CA6: variants seen among roughly 807,000 people sequenced by gnomAD.
The protein encoded by CA6 is carbonate dehydratase VI.
In CA6, 28 loss-of-function variants were observed where a neutral mutation model predicts 35.9. The ratio of observed to expected loss-of-function variants is 0.78; its 90% CI spans 0.58 to 1.07. The LOEUF is 1.07. Among genes scored for constraint, CA6 ranks in the 50% least tolerant of loss-of-function variants. The probability of loss-of-function intolerance (pLI) is 0.00; values close to 1 mark genes in which losing one functional copy is unlikely to be tolerated. For synonymous variants in CA6, 148 were observed against 152.6 expected (o/e 0.97, Z 0.22); for missense variants, 377 against 382.0 (o/e 0.99, Z 0.11).
rs1246182899 is a variant in CA6 at position 8,963,149 on chromosome 1, C to CTATAA, written c.571+494_571+498dup. ...CCAGGGTCAACCCTTGACTTTTGAG[C>CTATAA]TATAACCACAATAGCTCTGCATCCT... On this transcript the variant is annotated intron_variant, in intron 5 of 7. Transcript: ENST00000377443. The surrounding 1 kb of genome is among the most constrained non-coding windows in gnomAD (Gnocchi z 4.1). Among the ~76,000 whole-genome samples, 3 of 152,294 alleles carry CTATAA rather than the reference C, an allele frequency of 2.0e-5. No homozygotes were observed. The highest frequency in any genetic ancestry group is 7.2e-5 in the African/African-American group (3 of 41,548).
At chr1:8,959,862 G>T (rs1050176020) in intron 4 of CA6, among the ~76,000 whole-genome samples, 1 of 148,246 alleles carries the variant, frequency 6.7e-6, no homozygotes, top group Non-Finnish European at 1.5e-5. Context: ...AACCCGGGAG[G>T]TGGAGGTTGC....
At chr1:8,973,384 T>C (rs1640157746) in intron 7 of CA6, among the ~76,000 whole-genome samples, 1 of 152,210 alleles carries the variant, frequency 6.6e-6, no homozygotes, top group South Asian at 2.1e-4. Context: ...ACGCTATTCT[T>C]GCAATAGTCA....
chr1:8,948,156 C>T (rs1415133271), intron 1 of CA6, among the ~76,000 whole-genome samples: 5 of 151,958 alleles, frequency 3.3e-5, no homozygotes, highest in African/African-American at 4.8e-5. Flanking sequence ...CCACAAACAC[C>T]TGTCTTAAAA....
At chr1:8,953,037 T>G (rs10864374) in intron 2 of CA6, among the ~76,000 whole-genome samples, 1 of 152,090 alleles carries the variant, frequency 6.6e-6, no homozygotes, top group East Asian at 1.9e-4. Flanking sequence ...CTGTTCATCT[T>G]TCCCTTCCTT....
At chr1:8,967,948 C>T in intron 6 of CA6, 132 bp downstream of exon 6, 2 of 651,794 alleles carry the variant, frequency 3.1e-6, no homozygotes, top group South Asian at 2.5e-5. Flanking sequence ...GGCTACTGTG[C>T]CTCGTCTAGC....
chr1:8,948,969 C>CA (rs35309398), intron 1 of CA6, among the ~76,000 whole-genome samples: 115 of 141,102 alleles, frequency 8.2e-4, no homozygotes, highest in African/African-American at 1.4e-3. Flanking sequence ...GACCCTGTCT[C>CA]AAAAAAAAAA....
chr1:8,950,829 G>C (rs139924176), intron 2 of CA6, among the ~76,000 whole-genome samples: 48 of 151,424 alleles, frequency 3.2e-4, no homozygotes, highest in African/African-American at 8.7e-4. Flanking sequence ...GATTACCACT[G>C]TACTCCACCC....
chr1:8,966,502 G>A (rs919369753), intron 5 of CA6, among the ~76,000 whole-genome samples: 1 of 152,088 alleles, frequency 6.6e-6, no homozygotes, highest in African/African-American at 2.4e-5. Context: ...ATATATTAGA[G>A]TTACAAAAAT....
intron 4 of CA6, among the ~76,000 whole-genome samples, chr1:8,961,455 T>C (rs1370714300): frequency 2.0e-5 from 3 of 152,098 alleles, no homozygotes; most frequent in Non-Finnish European, 4.4e-5. Context: ...TGAAGCAAAG[T>C]TGCTATATTT....
chr1:8,964,295 T>C (rs750171355), intron 5 of CA6, among the ~76,000 whole-genome samples: 49 of 152,316 alleles, frequency 3.2e-4, no homozygotes, highest in Non-Finnish European at 3.2e-4. Flanking sequence ...GTCACCAGGC[T>C]GGAGTGCAGT....
In CA6 at chr1:8,949,327, G is replaced by T; in HGVS notation, c.144G>T (p.Ser48=). The T allele has an allele frequency of 4.3e-6, 7 of 1,613,292 alleles. No homozygotes were observed. The highest frequency in any genetic ancestry group is 1.3e-5 in the African/African-American group (1 of 74,928). The stretch of plus-strand genomic sequence containing the variant: ...CCGCCTGTGGGGGCCAGAGACAGTC[G>T]CCTATCAACCTACAGAGGACGAAGG... ...HYPACGGQRQ[S]PINLQRTKVR... Residue 48 remains serine (S), a synonymous_variant, in exon 2 of 8, where the codon TCG becomes TCT. Coordinates refer to ENST00000377443, the MANE Select transcript of CA6 (RefSeq NM_001215.4).
intron 7 of CA6, among the ~76,000 whole-genome samples, chr1:8,973,552 C>T (rs868426114): frequency 2.0e-5 from 3 of 152,042 alleles, no homozygotes; most frequent in Non-Finnish European, 2.9e-5. Flanking sequence ...CACTAAGAAT[C>T]GCTGTTTAGG....
chr1:8,956,203 A>T (rs1402198443), intron 2 of CA6, among the ~76,000 whole-genome samples: 1 of 152,106 alleles, frequency 6.6e-6, no homozygotes, highest in Non-Finnish European at 1.5e-5. Flanking sequence ...AGCCTGGGTG[A>T]CAGAGTAAGA....
rs145720043 is a variant in CA6 at position 8,971,996 on chromosome 1, C to T, written c.844+1015C>T. Among the ~76,000 whole-genome samples the T allele has an allele frequency of 2.4e-3, 361 of 152,314 alleles. 1 individual carries two copies. Among genetic ancestry groups the T allele is most frequent in the African/African-American group, 8.5e-3 (353 of 41,552 alleles). On this transcript the variant is annotated intron_variant, in intron 7 of 7. Transcript: ENST00000377443. ...ACCATTCCTGATACCTTTATATTTT[C>T]CAATACAGTAGAATCAGTATCCTAT...
rs560619254 is a variant in CA6, at chr1:8,952,840, A to G, written c.259+3398A>G. Among the ~76,000 whole-genome samples the G allele has an allele frequency of 2.2e-4, 34 of 152,002 alleles. 1 individual carries two copies. The South Asian group carries it at 4.8e-3, about 21-fold the overall frequency. ...CCTGGCTAATTTTTGTATTTCTAGT[A>G]CAGACAGGGTGTCACCATGTTGGCC... On this transcript the variant is annotated intron_variant, in intron 2 of 7. Transcript: ENST00000377443.
chr1:8,973,411 C>T (rs1342976490), intron 7 of CA6, among the ~76,000 whole-genome samples: 5 of 152,214 alleles, frequency 3.3e-5, no homozygotes, highest in Admixed American at 2.6e-4. Flanking sequence ...GACTGCGTAT[C>T]GTTCTATTTG....
At chr1:8,971,490 T>A (rs1272857823) in intron 7 of CA6, among the ~76,000 whole-genome samples, 1 of 151,712 alleles carries the variant, frequency 6.6e-6, no homozygotes, top group African/African-American at 2.4e-5. Context: ...TTTTTTTTTT[T>A]AACTGAAATG....
chr1:8,973,895 T>C (rs1016377672), intron 7 of CA6, among the ~76,000 whole-genome samples: 2 of 151,590 alleles, frequency 1.3e-5, no homozygotes, highest in African/African-American at 4.9e-5. Flanking sequence ...GGCGCAATCT[T>C]GGCTCACTGC....
At chr1:8,965,771 C>T (rs990170613) in intron 5 of CA6, among the ~76,000 whole-genome samples, 1 of 151,816 alleles carries the variant, frequency 6.6e-6, no homozygotes, top group Non-Finnish European at 1.5e-5. Context: ...CCTGTATTCC[C>T]AGCTACTCAG....
Sources: gnomAD v4.1 joint callset for allele counts (sites outside exome capture counted in the v4.1 genomes callset) on GRCh38, gnomAD v4.1.1 for gene constraint, Gnocchi (gnomAD v3.1) non-coding constraint, MANE v1.5 for transcripts, NCBI Gene and HGNC (gene_info 2026-07-23, HGNC 2026-07-21) for gene names.